Variants in ITK observed in about 807,000 individuals in gnomAD.
ITK encodes tyrosine-protein kinase ITK/TSK.
ITK carries 45 observed loss-of-function variants against 87.6 expected under a neutral mutation model. That is an observed-to-expected ratio of 0.51 (90% confidence interval 0.40 to 0.66). ITK has a LOEUF of 0.66. Ranked by LOEUF, ITK falls within the 30% of genes least tolerant of loss-of-function variation. ITK has a pLI of 0.00. For synonymous variants in ITK, 303 were observed against 273.6 expected, an observed-to-expected ratio of 1.11 and a Z score of -1.06; for missense variants, 605 against 766.3, an observed-to-expected ratio of 0.79 and a Z score of 2.48.
chr5:157,230,172 T>A (rs1754621834), intron 7 of ITK, among the ~76,000 whole-genome samples: 1 of 152,166 alleles, frequency 6.6e-6, no homozygotes, highest in African/African-American at 2.4e-5. Flanking sequence ...TACTTAGGAA[T>A]AAAAGTCAAT....
chr5:157,186,752 C>T (rs2113736384), intron 1 of ITK, among the ~76,000 whole-genome samples: 1 of 152,168 alleles, frequency 6.6e-6, no homozygotes, highest in African/African-American at 2.4e-5. Context: ...TAGAATCTCC[C>T]CAGATTCCCA....
At chr5:157,193,267 G>T (rs903828258) in intron 1 of ITK, among the ~76,000 whole-genome samples, 9 of 152,106 alleles carry the variant, frequency 5.9e-5, no homozygotes, top group Admixed American at 3.9e-4. Context: ...ATTATATCAG[G>T]AATTCACAAA....
intron 1 of ITK, among the ~76,000 whole-genome samples, chr5:157,196,346 T>C (rs1753855207): frequency 6.6e-6 from 1 of 152,232 alleles, no homozygotes; most frequent in African/African-American, 2.4e-5. Flanking sequence ...TCTTATGTTT[T>C]GATCTTTGCT....
chr5:157,234,877 T>C (rs1249650403), intron 8 of ITK, among the ~76,000 whole-genome samples: 1 of 152,130 alleles, frequency 6.6e-6, no homozygotes, highest in Non-Finnish European at 1.5e-5. Context: ...GGCACATGTA[T>C]ACCCATGTAA....
chr5:157,225,781 G>C (rs978521875), intron 6 of ITK, among the ~76,000 whole-genome samples: 1 of 152,142 alleles, frequency 6.6e-6, no homozygotes, highest in Admixed American at 6.5e-5. Flanking sequence ...GCCCATATCC[G>C]AAATAGGTTC....
chr5:157,217,907 G>A lies in ITK; in HGVS notation c.495G>A (p.Arg165=), dbSNP rs533252659. ...TTCCTCCTACTCCTGAAGACAACAG[G>A]GTGAGTGAGAGCGCTAGCTCCGGGT... ...KPLPPTPEDN[R]RPLWEPEETV... The change falls in exon 5 of 17, where the codon AGG becomes AGA. Residue 165 remains arginine, a splice_region_variant and synonymous_variant. Coordinates refer to ENST00000422843, the MANE Select transcript of ITK (RefSeq NM_005546.4). 3 of 1,613,612 alleles carry A rather than the reference G, an allele frequency of 1.9e-6. No individual in the cohort carries two copies. The highest frequency in any genetic ancestry group is 2.2e-5 in the South Asian group (2 of 91,054).
chr5:157,222,734 C>A, intron 5 of ITK, 129 bp from the exon 6 acceptor site: 1 of 834,116 alleles, frequency 1.2e-6, no homozygotes, highest in Non-Finnish European at 2.0e-6. Flanking sequence ...ATGTTCAGCG[C>A]TGTAACTCTA....
rs893360508 is a variant in ITK at position 157,253,515 on chromosome 5, A to G, written c.*837A>G. The G allele has an allele frequency of 3.5e-5, 8 of 226,114 alleles. No individual in the cohort carries two copies. Among genetic ancestry groups the G allele is most frequent in the Non-Finnish European group, 7.0e-5 (8 of 113,602 alleles). 14.0% of individuals were successfully genotyped at this position (226,114 alleles called of 1,614,324 possible). A position where few individuals can be genotyped will look rare whatever the true frequency, so the allele number is the denominator to read the frequency against. On this transcript the variant is annotated 3_prime_UTR_variant, in exon 17 of 17. Coordinates refer to ENST00000422843, the MANE Select transcript of ITK (RefSeq NM_005546.4). The stretch of plus-strand genomic sequence containing the variant: ...GCTCATCTTTTATACCAAGCTGTGC[A>G]GGTGACTATGCCTCCTCTTCTGCAC...
Position 157,214,274 on chromosome 5 carries a change from G to A in ITK, c.409G>A (p.Glu137Lys). 1 of 1,612,442 alleles carries A rather than the reference G, an allele frequency of 6.2e-7. No individual in the cohort carries two copies. Among genetic ancestry groups the A allele is most frequent in the Non-Finnish European group, 8.5e-7 (1 of 1,178,438 alleles). Residue 137 changes from glutamate to lysine, a missense_variant, in exon 4 of 17, where the codon GAG (glutamate) becomes AAG (lysine). Glu to Lys is a moderately conservative substitution (Grantham distance 56, BLOSUM62 1). This residue lies in a region of ITK where 464 missense variants were observed against 578.0 expected (regional missense o/e 0.80). Transcript: ENST00000422843. ...DGKWRCCSQL[E>K]KLATGCAQYD... ...GAAGTGGAGGTGCTGTTCTCAGCTG[G>A]AGAAGCTTGCAACAGGCTGTGCCCA...
At chr5:157,238,039 A>G (rs1422522895) in intron 8 of ITK, 70 bp from the exon 9 acceptor site, 4 of 1,165,116 alleles carry the variant, frequency 3.4e-6, no homozygotes, top group East Asian at 2.3e-5. Context: ...TGTGGGCAAG[A>G]AAGTGGAGCT....
chr5:157,222,040 T>G (rs1754429177), intron 5 of ITK, among the ~76,000 whole-genome samples: 1 of 152,024 alleles, frequency 6.6e-6, no homozygotes, highest in Non-Finnish European at 1.5e-5. Context: ...TACATCAAAA[T>G]GACGAGACTC....
At chr5:157,204,064 G>A (rs2113748887) in intron 1 of ITK, among the ~76,000 whole-genome samples, 1 of 152,264 alleles carries the variant, frequency 6.6e-6, no homozygotes, top group East Asian at 1.9e-4. Context: ...GGGGTCGACG[G>A]CACCATCACT....
intron 1 of ITK, among the ~76,000 whole-genome samples, chr5:157,194,075 A>G (rs1753805843): frequency 6.6e-6 from 1 of 152,190 alleles, no homozygotes; most frequent in Non-Finnish European, 1.5e-5. Flanking sequence ...AGGCAACAGC[A>G]TGCCTTAGGA....
At chr5:157,204,760 G>T (rs752773006) in intron 1 of ITK, among the ~76,000 whole-genome samples, 1 of 152,094 alleles carries the variant, frequency 6.6e-6, no homozygotes, top group African/African-American at 2.4e-5. Flanking sequence ...ACCATACTGA[G>T]CCTCTACAGT....
intron 1 of ITK, among the ~76,000 whole-genome samples, chr5:157,185,452 A>C (rs1753622458): frequency 6.6e-6 from 1 of 151,986 alleles, no homozygotes; most frequent in African/African-American, 2.4e-5. Flanking sequence ...CATATTGGCC[A>C]GCTGGTCTCG....
In ITK at chr5:157,214,195, G is replaced by A. The variant is rs1754250689; in HGVS notation, c.330G>A (p.Thr110=). ...GTTGGTGCCAACCTGTTTCAGAAAC[G>A]AGGAATAATAACAGTTTGGTGCCTA... is the stretch of plus-strand genomic sequence containing the variant. ...QRWVLALKEE[T]RNNNSLVPKY... Residue 110 remains threonine, a synonymous_variant, in exon 4 of 17, where the codon ACG becomes ACA. Coordinates refer to ENST00000422843, the MANE Select transcript of ITK (RefSeq NM_005546.4). The A allele has an allele frequency of 9.9e-6, 16 of 1,611,898 alleles. No homozygotes were observed. Among genetic ancestry groups the A allele is most frequent in the South Asian group, 2.2e-5 (2 of 91,042 alleles).
At chr5:157,202,620 G>A (rs189636666) in intron 1 of ITK, among the ~76,000 whole-genome samples, 7 of 152,218 alleles carry the variant, frequency 4.6e-5, no homozygotes, top group Non-Finnish European at 5.9e-5. Flanking sequence ...GCGTCTTTAT[G>A]GTAGAATAGT....
In ITK at chr5:157,243,684, T is replaced by C. The variant is rs1326433796; in HGVS notation, c.1122T>C (p.Phe374=). 6.2e-7 allele frequency: 1 copy of C among 1,613,690 alleles called. No individual in the cohort carries two copies. The highest frequency in any genetic ancestry group is 1.1e-5 in the South Asian group (1 of 91,052). The part of the protein sequence containing the change: ...TFVQEIGSGQ[F]GLVHLGYWLN... ...TGCAAGAGATTGGCAGTGGGCAATT[T>C]GGGTTGGTGCATCTGGGCTACTGGC... Residue 374 remains phenylalanine, a synonymous_variant, in exon 12 of 17, where the codon TTT becomes TTC. Transcript: ENST00000422843.
rs536290068 is a variant in ITK, at chr5:157,207,377, C to CTTTTTTTTTTTTTTTTTTTT, written c.139-1504_139-1485dup. ...CTTTATCACGTATCTAGATACGTCT[C>CTTTTTTTTTTTTTTTTTTTT]TTTTTTTTTTTTTTTTTTTTTTTTT... is the stretch of plus-strand genomic sequence containing the variant. On this transcript the variant is annotated intron_variant, in intron 1 of 16. Coordinates refer to ENST00000422843, the MANE Select transcript of ITK (RefSeq NM_005546.4). Among the ~76,000 whole-genome samples the CTTTTTTTTTTTTTTTTTTTT allele has an allele frequency of 8.5e-5, 5 of 59,140 alleles. 2 individuals are homozygous for CTTTTTTTTTTTTTTTTTTTT. Among genetic ancestry groups the CTTTTTTTTTTTTTTTTTTTT allele is most frequent in the East Asian group, 1.7e-3 (2 of 1,210 alleles). 38.8% of individuals were successfully genotyped at this position (59,140 alleles called of 152,430 possible).
Sources: allele counts gnomAD v4.1 joint callset (sites outside exome capture counted in the v4.1 genomes callset), GRCh38; gene constraint gnomAD v4.1.1; regional missense constraint gnomAD v4.1.1; transcripts MANE v1.5; gene names NCBI Gene and HGNC (gene_info 2026-07-23, HGNC 2026-07-21).